Variants in NEMF observed in about 807,000 individuals in gnomAD.
The protein encoded by NEMF is ribosome quality control complex subunit NEMF.
Under a neutral mutation model 162.2 loss-of-function variants are expected in NEMF, and 89 were observed. The ratio of observed to expected loss-of-function variants is 0.55; its 90% CI spans 0.46 to 0.65. The LOEUF (loss-of-function observed/expected upper bound fraction) is 0.65, where lower values mean the gene tolerates loss of function less well. NEMF is among the 30% of genes least tolerant of loss of function. NEMF has a pLI of 0.00. For missense variants in NEMF, 1,133 were observed against 1,261.9 expected (o/e 0.90, Z 1.55); for synonymous variants, 421 against 404.5 (o/e 1.04, Z -0.49).
At chr14:49,849,141 G>A (rs1452908492) in intron 3 of NEMF, among the ~76,000 whole-genome samples, 1 of 152,094 alleles carries the variant, frequency 6.6e-6, no homozygotes, top group East Asian at 1.9e-4. Context: ...GACCTATACT[G>A]ATTTGATTAA....
intron 16 of NEMF, among the ~76,000 whole-genome samples, chr14:49,816,934 T>A (rs1249066443): frequency 6.6e-6 from 1 of 151,944 alleles, no homozygotes; most frequent in African/African-American, 2.4e-5. Flanking sequence ...AAGAAGGCAA[T>A]AATGAAGACA....
At chr14:49,850,081 T>C (rs61982328) in intron 3 of NEMF, among the ~76,000 whole-genome samples, 24,525 of 152,022 alleles carry the variant, frequency 0.16, 2,291 homozygotes, top group Non-Finnish European at 0.21. Context: ...GGAGTTCTAA[T>C]ATGTGTCAGG....
chr14:49,811,355 C>A (rs945374768), intron 18 of NEMF, among the ~76,000 whole-genome samples: 1 of 152,056 alleles, frequency 6.6e-6, no homozygotes. Context: ...CTGGTAGATT[C>A]TTTAGGTTTT....
At chr14:49,798,634 C>T (rs144011352) in intron 25 of NEMF, among the ~76,000 whole-genome samples, 16 of 152,248 alleles carry the variant, frequency 1.1e-4, no homozygotes, top group East Asian at 7.7e-4. Flanking sequence ...GTGGGCCAGG[C>T]GCGGTGGCTT....
In NEMF at chr14:49,836,430, C is replaced by A. The variant is rs550307370; in HGVS notation, c.574+1709G>T. ...ACTTTGGGAGGCTGAGGCGGGCAGACTGCTTGAGTTCAGGAGTTCGAGACC... is the reference window on the plus strand; with the variant it reads ...ACTTTGGGAGGCTGAGGCGGGCAGAATGCTTGAGTTCAGGAGTTCGAGACC... On this transcript the variant is annotated intron_variant, in intron 6 of 32. Transcript: ENST00000298310. 2.0e-5 allele frequency among the ~76,000 whole-genome samples: 3 copies of A among 152,052 alleles called. No individual in the cohort carries two copies. In the South Asian group the frequency reaches 6.2e-4, roughly 32 times the overall value.
At chr14:49,835,780 C>G (rs1481088872) in intron 6 of NEMF, among the ~76,000 whole-genome samples, 1 of 152,162 alleles carries the variant, frequency 6.6e-6, no homozygotes, top group East Asian at 1.9e-4. Context: ...CACAAAAAAA[C>G]CCTACTAGAA....
chr14:49,796,048 A>G (rs1890679725), intron 25 of NEMF, 104 bp from the exon 26 acceptor site: 4 of 755,168 alleles, frequency 5.3e-6, no homozygotes, highest in Non-Finnish European at 8.7e-6. Flanking sequence ...ATAAATGGTC[A>G]TGGCTTCTGC....
intron 18 of NEMF, among the ~76,000 whole-genome samples, chr14:49,809,936 G>C (rs1891392523): frequency 6.6e-6 from 1 of 152,094 alleles, no homozygotes; most frequent in Non-Finnish European, 1.5e-5. Context: ...TTCATTAGTT[G>C]TAACAAATGT....
Position 49,805,978 on chromosome 14 carries a change from TAGCTCTTAGTAAATTAAGAA to T in NEMF, c.1857+23_1857+42del, listed in dbSNP as rs764804287. 1.1e-4 allele frequency: 155 copies of T among 1,405,612 alleles called. 1 individual carries two copies. The South Asian group carries it at 1.8e-3, about 16-fold the overall frequency. The allele number at this position is 1,405,612 out of a possible 1,614,324, so 87.1% of individuals were successfully genotyped here. Reference sequence around the variant, plus strand: ...TATACTCTCAAAATTTGGCACACAGTAGCTCTTAGTAAATTAAGAAAAAGGACAAGAGCCCTTATTACCTG... The same window carrying T: ...TATACTCTCAAAATTTGGCACACAGTAAAGGACAAGAGCCCTTATTACCTG... On this transcript the variant is annotated intron_variant, in intron 19 of 32. Coordinates refer to ENST00000298310, the MANE Select transcript of NEMF (RefSeq NM_004713.6).
rs1204820338 is a variant in NEMF, at chr14:49,789,269, T to C, written c.2772A>G (p.Lys924=). Residue 924 remains lysine (K), a synonymous_variant, in exon 28 of 33, where the codon AAA becomes AAG. Transcript: ENST00000298310. Reference sequence around the variant, plus strand: ...GTCCACCTCTAGGTTTCTGGGGCTGTTTCTTCACAGGTTCGTCCTTTGTTT... The same window carrying C: ...GTCCACCTCTAGGTTTCTGGGGCTGCTTCTTCACAGGTTCGTCCTTTGTTT... ...KGKTKDEPVK[K]QPQKPRGGQR... 1.2e-6 allele frequency: 2 copies of C among 1,614,192 alleles called. No homozygotes were observed. The highest frequency in any genetic ancestry group is 1.1e-5 in the South Asian group (1 of 91,076).
Position 49,789,030 on chromosome 14 carries a change from T to C in NEMF, c.2895+116A>G, listed in dbSNP as rs544068012. ...GGTTGTATTTCTGGATGACATTCCA[T>C]TAAGAATAGGGTTACTCACTTGTCT... On this transcript the variant is annotated intron_variant, in intron 28 of 32. Coordinates refer to ENST00000298310, the MANE Select transcript of NEMF (RefSeq NM_004713.6). 32 of 769,352 alleles carry C rather than the reference T, an allele frequency of 4.2e-5. No individual in the cohort carries two copies. The East Asian group carries it at 7.4e-4, about 18-fold the overall frequency. The allele number at this position is 769,352 out of a possible 1,614,324, so 47.7% of individuals were successfully genotyped here. A position where few individuals can be genotyped will look rare whatever the true frequency, so the allele number is the denominator to read the frequency against.
chr14:49,834,860 A>C (rs1892820169), intron 6 of NEMF, among the ~76,000 whole-genome samples: 1 of 152,254 alleles, frequency 6.6e-6, no homozygotes, highest in South Asian at 2.1e-4. Context: ...TGGCTGGTGA[A>C]AACAATAAGT....
At chr14:49,810,557 T>C (rs1042019319) in intron 18 of NEMF, among the ~76,000 whole-genome samples, 32 of 152,318 alleles carry the variant, frequency 2.1e-4, no homozygotes, top group African/African-American at 7.7e-4. Context: ...TGTTACTCTG[T>C]AGAAAGCTTT....
chr14:49,782,944 T>C lies in NEMF; in HGVS notation c.*1692A>G, dbSNP rs775816397. On this transcript the variant is annotated 3_prime_UTR_variant, in exon 33 of 33. Coordinates refer to ENST00000298310, the MANE Select transcript of NEMF (RefSeq NM_004713.6). ...AGAGGTTTGGTAGTAACAACACTTCTGGATCTTAAGGCTTCATAAATAATG... is the reference window on the plus strand; with the variant it reads ...AGAGGTTTGGTAGTAACAACACTTCCGGATCTTAAGGCTTCATAAATAATG... The C allele has an allele frequency of 2.5e-6, 4 of 1,612,748 alleles. No individual in the cohort carries two copies. The highest frequency in any genetic ancestry group is 2.7e-5 in the African/African-American group (2 of 74,886).
In NEMF at chr14:49,834,117, G is replaced by T. The variant is rs569147384; in HGVS notation, c.661+246C>A. The T allele has an allele frequency of 7.6e-5, 44 of 575,394 alleles. 1 individual carries two copies. In the East Asian group the frequency reaches 1.6e-3, roughly 20 times the overall value. 35.6% of individuals were successfully genotyped at this position (575,394 alleles called of 1,614,324 possible). On this transcript the variant is annotated intron_variant, in intron 7 of 32. Coordinates refer to ENST00000298310, the MANE Select transcript of NEMF (RefSeq NM_004713.6). Reference sequence around the variant, plus strand: ...TTTTGTGGGGTTTTTTGAGATGGGGGTCTCACTCTGTTGCTCAGGCTGGAG... The same window carrying T: ...TTTTGTGGGGTTTTTTGAGATGGGGTTCTCACTCTGTTGCTCAGGCTGGAG...
chr14:49,813,645 T>C (rs931880239), intron 18 of NEMF, among the ~76,000 whole-genome samples: 3 of 143,674 alleles, frequency 2.1e-5, no homozygotes, highest in Non-Finnish European at 4.5e-5. Context: ...CTTTTATCAT[T>C]ACATCTTTTT....
chr14:49,798,434 C>A (rs1890791071), intron 25 of NEMF, among the ~76,000 whole-genome samples: 1 of 152,164 alleles, frequency 6.6e-6, no homozygotes, highest in Non-Finnish European at 1.5e-5. Flanking sequence ...ATACAGTTTA[C>A]ATTTATTTTA....
chr14:49,846,233 G>A lies in NEMF; in HGVS notation c.264C>T (p.Val88=). 1 of 1,612,932 alleles carries A rather than the reference G, an allele frequency of 6.2e-7. No homozygotes were observed. The highest frequency in any genetic ancestry group is 8.5e-7 in the Non-Finnish European group (1 of 1,179,618). The change falls in exon 4 of 33, where the codon GTC becomes GTT. Residue 88 remains valine, a synonymous_variant. Coordinates refer to ENST00000298310, the MANE Select transcript of NEMF (RefSeq NM_004713.6). ...TATCCACACCAAGCTGTTTTGCACTGACTAATCTCCGACTCTTCAAATGTT... is the reference window on the plus strand; with the variant it reads ...TATCCACACCAAGCTGTTTTGCACTAACTAATCTCCGACTCTTCAAATGTT... ...CRKHLKSRRL[V]SAKQLGVDRI...
At chr14:49,829,661 G>A (rs1273058057) in intron 11 of NEMF, among the ~76,000 whole-genome samples, 1 of 152,114 alleles carries the variant, frequency 6.6e-6, no homozygotes, top group Non-Finnish European at 1.5e-5. Context: ...TTTGATTACA[G>A]GTTACTGTGT....
Sources: gnomAD v4.1 joint callset for allele counts (sites outside exome capture counted in the v4.1 genomes callset) on GRCh38, gnomAD v4.1.1 for gene constraint, MANE v1.5 for transcripts, NCBI Gene and HGNC (gene_info 2026-07-23, HGNC 2026-07-21) for gene names.